The following GLI3 variants were observed in gnomAD, a reference collection of about 807,000 sequenced individuals.
The protein encoded by GLI3 is GLI family zinc finger 3.
GLI3 carries 20 observed loss-of-function variants against 100.8 expected under a neutral mutation model. The ratio of observed to expected loss-of-function variants is 0.20; its 90% confidence interval spans 0.14 to 0.29. The LOEUF (loss-of-function observed/expected upper bound fraction) is 0.29, where lower values mean the gene tolerates loss of function less well. Among genes scored for constraint, GLI3 ranks in the 10% least tolerant of loss-of-function variants. GLI3 has a pLI of 1.00. For missense variants in GLI3, 2,040 were observed against 2,128.5 expected (o/e 0.96, Z 0.82); for synonymous variants, 938 against 860.5 (o/e 1.09, Z -1.58).
chr7:42,063,090 TAA>T (rs1463563025), intron 4 of GLI3, among the ~76,000 whole-genome samples: 1 of 152,146 alleles, frequency 6.6e-6, no homozygotes, highest in African/African-American at 2.4e-5. Context: ...GCCTCCTTTA[TAA>T]ACTGTTCCAA....
At chr7:42,209,054 T>TG (rs1316410515) in intron 2 of GLI3, among the ~76,000 whole-genome samples, 1 of 152,154 alleles carries the variant, frequency 6.6e-6, no homozygotes, top group Non-Finnish European at 1.5e-5. Context: ...TTGCAATTTT[T>TG]TTTTTAATTT....
chr7:42,214,359 G>A (rs1310074070), intron 2 of GLI3, among the ~76,000 whole-genome samples: 2 of 151,974 alleles, frequency 1.3e-5, no homozygotes, highest in African/African-American at 4.8e-5. Context: ...CAGGGAAAGA[G>A]ATGAAAGAAT....
intron 10 of GLI3, among the ~76,000 whole-genome samples, chr7:41,982,708 A>G (rs1252404320): frequency 6.6e-6 from 1 of 151,988 alleles, no homozygotes; most frequent in Non-Finnish European, 1.5e-5. Flanking sequence ...AAAAAAAAAA[A>G]AAAAAAAGAA....
At chr7:42,052,600 A>G (rs536222209) in intron 4 of GLI3, among the ~76,000 whole-genome samples, 1 of 152,156 alleles carries the variant, frequency 6.6e-6, no homozygotes, top group African/African-American at 2.4e-5. Flanking sequence ...AAAGGTAGGA[A>G]CACAGTGCCT....
In GLI3 at chr7:42,182,681, T is replaced by TATATATAC. The variant is rs1338758976; in HGVS notation, c.125-34214_125-34213insGTATATAT. On this transcript the variant is annotated intron_variant, in intron 2 of 14. Coordinates refer to ENST00000395925, the MANE Select transcript of GLI3 (RefSeq NM_000168.6). ...ATATATATATATATATATATATATA[T>TATATATAC]ACACATGTGTGTATATATATATACA... 5.5e-4 allele frequency among the ~76,000 whole-genome samples: 31 copies of TATATATAC among 56,748 alleles called. 2 individuals carry two copies. Among genetic ancestry groups the TATATATAC allele is most frequent in the Middle Eastern group, 9.1e-3 (1 of 110 alleles). 37.2% of individuals were successfully genotyped at this position (56,748 alleles called of 152,430 possible).
At chr7:41,989,660 C>A (rs966388898) in intron 10 of GLI3, among the ~76,000 whole-genome samples, 2 of 152,058 alleles carry the variant, frequency 1.3e-5, no homozygotes, top group Admixed American at 6.6e-5. Context: ...GGTTTTCTGC[C>A]AGATTCAGAA....
At chr7:42,172,475 G>A (rs771574611) in intron 2 of GLI3, 4 of 666,984 alleles carry the variant, frequency 6.0e-6, no homozygotes, top group South Asian at 4.8e-5. Context: ...ACTAAAAAGT[G>A]TAAATGAATT....
In GLI3 at chr7:42,148,243, T is replaced by C. The variant is rs1313107025; in HGVS notation, c.350A>G (p.Tyr117Cys). The stretch of plus-strand genomic sequence containing the variant: ...GCACTTACGGTAGTGGGGCTCCATG[T>C]AACCATTCCTGGGGTCCATGGCAAA... ...TVFAMDPRNG[Y>C]MEPHYHPPHL... The change falls in exon 3 of 15, where the codon TAC (tyrosine) becomes TGC (cysteine). Residue 117 changes from tyrosine (Y) to cysteine (C), a missense_variant. Coordinates refer to ENST00000395925, the MANE Select transcript of GLI3 (RefSeq NM_000168.6). The C allele has an allele frequency of 6.2e-7, 1 of 1,611,714 alleles. No homozygotes were observed. The highest frequency in any genetic ancestry group is 8.5e-7 in the Non-Finnish European group (1 of 1,178,886).
rs769266731 is a variant in GLI3 at position 41,977,740 on chromosome 7, A to G, written c.1648-18T>C. 4.3e-6 allele frequency: 7 copies of G among 1,612,328 alleles called. No individual in the cohort carries two copies. The African/African-American group carries it at 8.0e-5, about 18-fold the overall frequency. ...CCTTCAAACTGAGGACAACAGGTAA[A>G]TCTGGATTACTCTGCACAATGGCAA... On this transcript the variant is annotated intron_variant, in intron 11 of 14. Transcript: ENST00000395925.
chr7:42,040,222 G>T lies in GLI3; in HGVS notation c.844C>A (p.Pro282Thr), dbSNP rs558927729. Residue 282 changes from proline (P) to threonine (T), a missense_variant, in exon 7 of 15, where the codon CCC becomes ACC. Pro to Thr is a conservative substitution (Grantham distance 38). Coordinates refer to ENST00000395925, the MANE Select transcript of GLI3 (RefSeq NM_000168.6). ...HAMDSTRFSS[P>T]RLSARPSRKR... ...CGGCTCGGCCTGGCTGACAGCCTGG[G>T]GCTGGAGAATCTGGTGCCTGTTATA... 6.2e-7 allele frequency: 1 copy of T among 1,612,230 alleles called. No individual in the cohort carries two copies. The highest frequency in any genetic ancestry group is 8.5e-7 in the Non-Finnish European group (1 of 1,178,286).
chr7:42,121,388 C>T (rs1461208181), intron 3 of GLI3, among the ~76,000 whole-genome samples: 1 of 152,194 alleles, frequency 6.6e-6, no homozygotes, highest in Non-Finnish European at 1.5e-5. Context: ...TTGATAAATG[C>T]TGGTCTAGAA....
intron 2 of GLI3, among the ~76,000 whole-genome samples, chr7:42,149,207 T>G (rs1261286218): frequency 6.6e-6 from 1 of 152,140 alleles, no homozygotes; most frequent in African/African-American, 2.4e-5. Context: ...AGTCCAGGTG[T>G]GAGATGGCTC....
rs564974233 is a variant in GLI3 at position 42,085,023 on chromosome 7, T to C, written c.368-8166A>G. 1.2e-4 allele frequency among the ~76,000 whole-genome samples: 18 copies of C among 148,278 alleles called. No individual in the cohort carries two copies. In the East Asian group the frequency reaches 3.5e-3, roughly 29 times the overall value. On this transcript the variant is annotated intron_variant, in intron 3 of 14. Coordinates refer to ENST00000395925, the MANE Select transcript of GLI3 (RefSeq NM_000168.6). Reference sequence around the variant, plus strand: ...ACCTCCCGGGTTCAAGCGATTCTCGTGCCTCAGCCTCCCGAGTAGCTGGGA... The same window carrying C: ...ACCTCCCGGGTTCAAGCGATTCTCGCGCCTCAGCCTCCCGAGTAGCTGGGA...
chr7:42,111,285 A>T (rs761481609), intron 3 of GLI3, among the ~76,000 whole-genome samples: 1 of 152,198 alleles, frequency 6.6e-6, no homozygotes, highest in Non-Finnish European at 1.5e-5. Context: ...CCAGCGAACT[A>T]CAGCATAAGA....
At chr7:42,084,527 T>C (rs2128754141) in intron 3 of GLI3, among the ~76,000 whole-genome samples, 1 of 152,378 alleles carries the variant, frequency 6.6e-6, no homozygotes, top group East Asian at 1.9e-4. Flanking sequence ...GACTCTGGAA[T>C]GTGTCTTGCC....
chr7:42,228,333 G>A (rs1788625624), intron 1 of GLI3, among the ~76,000 whole-genome samples: 1 of 152,100 alleles, frequency 6.6e-6, no homozygotes. Context: ...CTGGCTTTGG[G>A]AGACAATGCA....
intron 4 of GLI3, among the ~76,000 whole-genome samples, chr7:42,052,891 G>A (rs576940135): frequency 3.2e-4 from 49 of 152,266 alleles, no homozygotes; most frequent in African/African-American, 9.4e-4. Context: ...TAGCCAAACA[G>A]CCTCCTGACA....
At chr7:42,182,662 A>ATATATATATATATAAATGTGTG in intron 2 of GLI3, among the ~76,000 whole-genome samples, 1 of 76,714 alleles carries the variant, frequency 1.3e-5, no homozygotes, top group African/African-American at 6.7e-5. Flanking sequence ...ATATATATAT[A>ATATATATATATATAAATGTGTG]TATATATATA....
At chr7:41,986,857 C>CA (rs1397593499) in intron 10 of GLI3, among the ~76,000 whole-genome samples, 1 of 151,028 alleles carries the variant, frequency 6.6e-6, no homozygotes, top group East Asian at 1.9e-4. Flanking sequence ...CCCCCACCCC[C>CA]ACCCCACGCC....
Sources: allele counts gnomAD v4.1 joint callset (sites outside exome capture counted in the v4.1 genomes callset), GRCh38; gene constraint gnomAD v4.1.1; transcripts MANE v1.5; gene names NCBI Gene and HGNC (gene_info 2026-07-23, HGNC 2026-07-21).